Variants in HMGB1 observed in about 807,000 individuals in gnomAD.
The protein encoded by HMGB1 is high mobility group box 1.
For missense variants in HMGB1, 79 were observed against 253.5 expected (o/e 0.31, Z 4.67); for synonymous variants, 81 against 84.0 (o/e 0.96, Z 0.19).
chr13:30,556,600 G>T (rs1404043804), intron 1 of HMGB1, among the ~76,000 whole-genome samples: 1 of 152,140 alleles, frequency 6.6e-6, no homozygotes, highest in Non-Finnish European at 1.5e-5. Flanking sequence ...AAATCCCATC[G>T]TTGATGGAAT....
At chr13:30,525,662 C>T (rs904567072) in intron 1 of HMGB1, among the ~76,000 whole-genome samples, 1 of 152,010 alleles carries the variant, frequency 6.6e-6, no homozygotes, top group Non-Finnish European at 1.5e-5. Flanking sequence ...TCTTATAAAA[C>T]AAGTTGTATT....
chr13:30,467,719 C>G (rs913600124), upstream of HMGB1, among the ~76,000 whole-genome samples: 22 of 152,164 alleles, frequency 1.4e-4, no homozygotes, highest in African/African-American at 5.3e-4. Flanking sequence ...TCTCATATTA[C>G]AAAATATTCA....
intron 1 of HMGB1, among the ~76,000 whole-genome samples, chr13:30,558,593 C>T (rs868129336): frequency 1.3e-5 from 2 of 152,082 alleles, no homozygotes; most frequent in Non-Finnish European, 1.5e-5. Flanking sequence ...TAGCAATAAT[C>T]CTAGTTGTTA....
chr13:30,509,547 T>C (rs1566010462), intron 1 of HMGB1, among the ~76,000 whole-genome samples: 1 of 152,062 alleles, frequency 6.6e-6, no homozygotes, highest in Non-Finnish European at 1.5e-5. Flanking sequence ...CGTGCCCCAA[T>C]ATTCTTAATT....
chr13:30,505,325 C>T (rs1006773861), intron 1 of HMGB1, among the ~76,000 whole-genome samples: 10 of 151,924 alleles, frequency 6.6e-5, no homozygotes, highest in East Asian at 1.9e-4. Flanking sequence ...ATTACAGGTG[C>T]GTGCCACCAG....
chr13:30,615,268 C>T lies in HMGB1; in HGVS notation c.-15+1403G>A, dbSNP rs552464665. 2.6e-5 allele frequency among the ~76,000 whole-genome samples: 4 copies of T among 152,212 alleles called. No homozygotes were observed. In the South Asian group the frequency reaches 8.3e-4, roughly 32 times the overall value. ...GTCTTAAGTTACTTTTTTAAATATA[C>T]ACATGCATAGCACAAGCGTGTTGCC... On this transcript the variant is annotated intron_variant, in intron 1 of 4. Coordinates refer to the HMGB1 transcript ENST00000405805.
chr13:30,456,760 C>T lies in HMGB1; in HGVS notation c.*4597G>A, dbSNP rs991660613. The T allele has an allele frequency of 5.2e-4, 7 of 13,544 alleles. No individual in the cohort carries two copies. Among genetic ancestry groups the T allele is most frequent in the Non-Finnish European group, 6.8e-4 (5 of 7,302 alleles). The allele number at this position is 13,544 out of a possible 1,614,324, so 0.8% of individuals were successfully genotyped here. A position where few individuals can be genotyped will look rare whatever the true frequency, so the allele number is the denominator to read the frequency against. On this transcript the variant is annotated 3_prime_UTR_variant, in exon 5 of 5. Transcript: ENST00000341423. ...CAGCATAAATAACAGCTTTTGTGGG[C>T]GGGGGGGGGGGGTGGTGGGGTGCAA...
chr13:30,554,480 G>A (rs899439711), intron 1 of HMGB1: 154 of 1,026,768 alleles, frequency 1.5e-4, no homozygotes, highest in Non-Finnish European at 2.2e-4. Context: ...CTCATACATG[G>A]CTATAATAGA....
At position 30,559,829 on chromosome 13, in the gene HMGB1, T is replaced by C. The variant is rs1312711475; in HGVS notation, c.-15+56842A>G. Among the ~76,000 whole-genome samples the C allele has an allele frequency of 6.6e-6, 1 of 152,124 alleles. No individual in the cohort carries two copies. Among genetic ancestry groups the C allele is most frequent in the Non-Finnish European group, 1.5e-5 (1 of 68,024 alleles). ...TTGGAAACAGCAGATTGTGAAAGGG[T>C]ATGTGACTGACAATTATTAAACAAT... On this transcript the variant is annotated intron_variant, in intron 1 of 4. Coordinates refer to the HMGB1 transcript ENST00000405805. The surrounding 1 kb of genome is among the most constrained non-coding windows in gnomAD (Gnocchi z 6.6).
At position 30,482,737 on chromosome 13, in the gene HMGB1, C is replaced by T. The variant is rs534471482; in HGVS notation, c.-14-19043G>A. ...TTGGTAGCGACTTCAAGGGTCTTTG[C>T]GGGAAATAAAAAAAATAAAATAAAA... On this transcript the variant is annotated intron_variant, in intron 1 of 4. Transcript: ENST00000405805. Among the ~76,000 whole-genome samples the T allele has an allele frequency of 5.9e-5, 9 of 151,488 alleles. No individual in the cohort carries two copies. In the South Asian group the frequency reaches 8.4e-4, roughly 14 times the overall value.
chr13:30,520,120 G>A (rs570079728), intron 1 of HMGB1, among the ~76,000 whole-genome samples: 4 of 152,136 alleles, frequency 2.6e-5, no homozygotes, highest in African/African-American at 9.7e-5. Flanking sequence ...TCAGGAGTTC[G>A]AGACCAGCCT....
chr13:30,463,702 A>G lies in HMGB1; in HGVS notation c.-14-8T>C. ...CCATGTTTAGTTATTTTTCTAAAAA[A>G]TAAAATAAATATTTGATGTTAGCAA... is the stretch of plus-strand genomic sequence containing the variant. On this transcript the variant is annotated splice_polypyrimidine_tract_variant and splice_region_variant and intron_variant, in intron 1 of 4. Coordinates refer to ENST00000341423, the MANE Select transcript of HMGB1 (RefSeq NM_002128.7). 3.3e-6 allele frequency: 5 copies of G among 1,507,970 alleles called. No homozygotes were observed. The highest frequency in any genetic ancestry group is 3.6e-6 in the Non-Finnish European group (4 of 1,118,410). The allele number at this position is 1,507,970 out of a possible 1,614,324, so 93.4% of individuals were successfully genotyped here. A position where few individuals can be genotyped will look rare whatever the true frequency, so the allele number is the denominator to read the frequency against.
At chr13:30,528,956 G>A (rs1888434648) in intron 1 of HMGB1, among the ~76,000 whole-genome samples, 1 of 150,596 alleles carries the variant, frequency 6.6e-6, no homozygotes, top group Non-Finnish European at 1.5e-5. Flanking sequence ...GTGAACCCGG[G>A]AGGCGGAGCT....
intron 1 of HMGB1, among the ~76,000 whole-genome samples, chr13:30,497,375 T>C (rs9508758): frequency 0.036 from 5,467 of 151,698 alleles, 259 homozygotes; most frequent in African/African-American, 0.11. Flanking sequence ...TACAGGTGCC[T>C]GCCACTACAC....
intron 1 of HMGB1, chr13:30,464,563 G>T: frequency 1.0e-6 from 1 of 984,418 alleles, no homozygotes; most frequent in Non-Finnish European, 1.2e-6. Flanking sequence ...ACGTGCGCCC[G>T]GCAGGCCCTG....
intron 1 of HMGB1, among the ~76,000 whole-genome samples, chr13:30,555,190 C>T (rs568685040): frequency 1.5e-4 from 23 of 151,774 alleles, no homozygotes; most frequent in African/African-American, 5.6e-4. Flanking sequence ...TACAGGCGCC[C>T]GCCACCAAGC....
chr13:30,535,795 C>A (rs559241616), intron 1 of HMGB1, among the ~76,000 whole-genome samples: 1 of 152,198 alleles, frequency 6.6e-6, no homozygotes, highest in Admixed American at 6.5e-5. Flanking sequence ...GAGGCTGAGG[C>A]AGGAGAATCA....
chr13:30,514,484 T>C (rs554388106), intron 1 of HMGB1, among the ~76,000 whole-genome samples: 1 of 151,560 alleles, frequency 6.6e-6, no homozygotes, highest in Admixed American at 6.6e-5. Context: ...CCACCGTACC[T>C]GGCAATTTTT....
intron 1 of HMGB1, among the ~76,000 whole-genome samples, chr13:30,486,080 A>G (rs958576337): frequency 1.3e-5 from 2 of 152,176 alleles, no homozygotes; most frequent in African/African-American, 4.8e-5. Context: ...TGTTGGAGAC[A>G]AGGCCAGATA....
Sources: allele counts gnomAD v4.1 joint callset (sites outside exome capture counted in the v4.1 genomes callset), GRCh38; gene constraint gnomAD v4.1.1; non-coding constraint Gnocchi (gnomAD v3.1); transcripts MANE v1.5; gene names NCBI Gene and HGNC (gene_info 2026-07-23, HGNC 2026-07-21).